Variants in POLL observed in about 807,000 individuals in gnomAD.
POLL encodes the protein DNA polymerase lambda.
POLL carries 44 observed loss-of-function variants against 58.1 expected under a neutral mutation model. That is an observed-to-expected ratio of 0.76 (90% CI 0.60 to 0.97). The LOEUF (loss-of-function observed/expected upper bound fraction) is 0.97. POLL is among the 50% of genes least tolerant of loss of function. POLL has a pLI of 0.00. For synonymous variants in POLL, 290 were observed against 283.2 expected, an observed-to-expected ratio of 1.02 and a Z score of -0.24; for missense variants, 632 against 736.8, an observed-to-expected ratio of 0.86 and a Z score of 1.65.
At chr10:101,581,866 C>T (rs1397235830) in intron 7 of POLL, 1 of 151,696 alleles carries the variant, frequency 6.6e-6, no homozygotes, top group African/African-American at 2.4e-5. Context: ...AGTGCAGTGG[C>T]ACAATCTTGG....
In POLL at chr10:101,585,809, G is replaced by T. The variant is rs1379795982; in HGVS notation, c.410+53C>A. 2.9e-6 allele frequency: 4 copies of T among 1,402,470 alleles called. No individual in the cohort carries two copies. In the East Asian group the frequency reaches 7.0e-5, roughly 25 times the overall value. 86.9% of individuals were successfully genotyped at this position (1,402,470 alleles called of 1,614,324 possible). On this transcript the variant is annotated intron_variant, in intron 3 of 8. Coordinates refer to ENST00000370162, the MANE Select transcript of POLL (RefSeq NM_001174084.2). ...AGTTATTTTTAATAATTCAAGAAAA[G>T]AGCTCAAGATGCTACTAGAAAACAT... is the stretch of plus-strand genomic sequence containing the variant.
Position 101,579,799 on chromosome 10 carries a change from A to G in POLL, c.1382T>C (p.Leu461Ser). Residue 461 changes from leucine to serine, a missense_variant, in exon 9 of 9, where the codon TTG (leucine) becomes TCG (serine). Transcript: ENST00000370162. This position sits in a 1 kb window ranked among gnomAD's most constrained non-coding sequence, Gnocchi z 4.4. The part of the protein sequence containing the change: ...LRQEGFLTDD[L>S]VSQEENGQQQ... Reference sequence around the variant, plus strand: ...CTGACCATTCTCCTCTTGGCTCACCAAGTCATCTGTGAGGAACCCTGGCCC... The same window carrying G: ...CTGACCATTCTCCTCTTGGCTCACCGAGTCATCTGTGAGGAACCCTGGCCC... 6.2e-7 allele frequency: 1 copy of G among 1,613,144 alleles called. No individual in the cohort carries two copies. Among genetic ancestry groups the G allele is most frequent in the Non-Finnish European group, 8.5e-7 (1 of 1,179,634 alleles).
intron 3 of POLL, 104 bp from the exon 4 acceptor site, chr10:101,585,582 T>A: frequency 1.8e-6 from 2 of 1,106,414 alleles, no homozygotes; most frequent in Non-Finnish European, 2.5e-6. Flanking sequence ...TGTGTCCAAT[T>A]AAGAAAACGA....
In POLL at chr10:101,580,616, T is replaced by C; in HGVS notation, c.1195-200A>G. ...GGACAGGAGAGAAGAAAAAGCTCAC[T>C]GTGCAGGAGGCAAGCCTGAGGAGAG... On this transcript the variant is annotated intron_variant, in intron 7 of 8. Transcript: ENST00000370162. The surrounding 1 kb of genome is among the most constrained non-coding windows in gnomAD (Gnocchi z 4.1). 3.5e-6 allele frequency: 2 copies of C among 564,408 alleles called. No individual in the cohort carries two copies. The highest frequency in any genetic ancestry group is 6.3e-6 in the Non-Finnish European group (2 of 318,090). 35.0% of individuals were successfully genotyped at this position (564,408 alleles called of 1,614,324 possible). A position where few individuals can be genotyped will look rare whatever the true frequency, so the allele number is the denominator to read the frequency against.
Position 101,579,256 on chromosome 10 carries a change from G to A in POLL, c.*197C>T. ...GCCTGCTCCTGTCTGGGAGAGGGCT[G>A]GGCAGACACTGGGAGCCGGGCAGAC... is the stretch of plus-strand genomic sequence containing the variant. On this transcript the variant is annotated 3_prime_UTR_variant, in exon 9 of 9. Coordinates refer to ENST00000370162, the MANE Select transcript of POLL (RefSeq NM_001174084.2). The surrounding 1 kb of genome is among the most constrained non-coding windows in gnomAD (Gnocchi z 4.4). 1.6e-6 allele frequency: 1 copy of A among 624,874 alleles called. No individual in the cohort carries two copies. The allele number at this position is 624,874 out of a possible 1,614,324, so 38.7% of individuals were successfully genotyped here.
chr10:101,586,721 C>T lies in POLL; in HGVS notation c.115+525G>A, dbSNP rs978120357. Among the ~76,000 whole-genome samples the T allele has an allele frequency of 4.6e-5, 7 of 152,180 alleles. 1 individual carries two copies. The highest frequency in any genetic ancestry group is 1.3e-4 in the Admixed American group (2 of 15,272). On this transcript the variant is annotated intron_variant, in intron 2 of 8. Transcript: ENST00000370162. ...TGTTGCCCAAGCTGGTCTCGAACTC[C>T]TGAGCACAGGTGATCTGCCTGCCTC...
rs990891316 is a variant in POLL at position 101,580,234 on chromosome 10, G to T, written c.1363+14C>A. ...CCCTCTGTCAACCTGCTCACCCAGA[G>T]ATGGAGCTTATACCTTCCTGCCGAA... On this transcript the variant is annotated intron_variant, in intron 8 of 8. Coordinates refer to ENST00000370162, the MANE Select transcript of POLL (RefSeq NM_001174084.2). The surrounding 1 kb of genome is among the most constrained non-coding windows in gnomAD (Gnocchi z 4.1). 1 of 1,607,846 alleles carries T rather than the reference G, an allele frequency of 6.2e-7. No homozygotes were observed. Among genetic ancestry groups the T allele is most frequent in the Non-Finnish European group, 8.5e-7 (1 of 1,176,308 alleles).
intron 5 of POLL, 134 bp from the exon 6 acceptor site, chr10:101,583,815 G>A (rs2063141067): frequency 4.2e-6 from 3 of 712,992 alleles, no homozygotes; most frequent in East Asian, 2.7e-5. Context: ...CTGTGTGGCT[G>A]TGTAAAGCTT....
In POLL at chr10:101,579,507, A is replaced by C; in HGVS notation, c.1674T>G (p.Asp558Glu). 6.2e-7 allele frequency: 1 copy of C among 1,613,316 alleles called. No homozygotes were observed. The highest frequency in any genetic ancestry group is 1.1e-5 in the South Asian group (1 of 91,040). The change falls in exon 9 of 9, where the codon GAT (aspartate) becomes GAG (glutamate). Residue 558 changes from aspartate to glutamate, a missense_variant. Transcript: ENST00000370162. The surrounding 1 kb of genome is among the most constrained non-coding windows in gnomAD (Gnocchi z 4.4). ...GRVLPTPTEKDVFRLLGLPYR... is the reference protein window; with the variant it reads ...GRVLPTPTEKEVFRLLGLPYR... The stretch of plus-strand genomic sequence containing the variant: ...AGGGGAGGCCTAAGAGCCTGAAGAC[A>C]TCCTTCTCAGTGGGAGTGGGCAGCA...
At position 101,582,750 on chromosome 10, in the gene POLL, G is replaced by A. The variant is rs1168040521; in HGVS notation, c.1194+13C>T. 6.2e-7 allele frequency: 1 copy of A among 1,612,790 alleles called. No individual in the cohort carries two copies. Among genetic ancestry groups the A allele is most frequent in the Admixed American group, 1.7e-5 (1 of 60,000 alleles). On this transcript the variant is annotated intron_variant, in intron 7 of 8. Transcript: ENST00000370162. ...GACCTGGCTGTCCTCACTGCTCTGG[G>A]ACACCTGCTTACTGTCTGCTCAATC...
rs189360353 is a variant in POLL, at chr10:101,579,361, G to A, written c.*92C>T. Reference sequence around the variant, plus strand: ...TGAGGAAGCTGGTGGTTGGAGCGGCGAGGTTCAGCCAGCTGAGGCTGGAGG... The same window carrying A: ...TGAGGAAGCTGGTGGTTGGAGCGGCAAGGTTCAGCCAGCTGAGGCTGGAGG... On this transcript the variant is annotated 3_prime_UTR_variant, in exon 9 of 9. Coordinates refer to ENST00000370162, the MANE Select transcript of POLL (RefSeq NM_001174084.2). The surrounding 1 kb of genome is among the most constrained non-coding windows in gnomAD (Gnocchi z 4.4). The A allele has an allele frequency of 7.9e-5, 114 of 1,437,866 alleles. No homozygotes were observed. Among genetic ancestry groups the A allele is most frequent in the Non-Finnish European group, 9.5e-5 (102 of 1,073,806 alleles). The allele number at this position is 1,437,866 out of a possible 1,614,324, so 89.1% of individuals were successfully genotyped here. A position where few individuals can be genotyped will look rare whatever the true frequency, so the allele number is the denominator to read the frequency against.
chr10:101,584,861 A>C lies in POLL; in HGVS notation c.632T>G (p.Leu211Arg). ...GEETQVSAAD[L>R]EALISGHYPT... ...GTAGTGGCCACTGATGAGGGCTTCCAGATCAGCTGCACTAACCTGGGTTTC... is the reference window on the plus strand; with the variant it reads ...GTAGTGGCCACTGATGAGGGCTTCCCGATCAGCTGCACTAACCTGGGTTTC... Residue 211 changes from leucine (L) to arginine (R), a missense_variant, in exon 5 of 9, where the codon CTG (leucine) becomes CGG (arginine). Physicochemically the swap from Leu to Arg is moderately radical, Grantham distance 102. Coordinates refer to ENST00000370162, the MANE Select transcript of POLL (RefSeq NM_001174084.2). 1 of 1,480,514 alleles carries C rather than the reference A, an allele frequency of 6.8e-7. No homozygotes were observed. The highest frequency in any genetic ancestry group is 9.0e-7 in the Non-Finnish European group (1 of 1,109,958). 91.7% of individuals were successfully genotyped at this position (1,480,514 alleles called of 1,614,324 possible).
Position 101,584,784 on chromosome 10 carries a change from C to A in POLL, c.709G>T (p.Asp237Tyr). Residue 237 changes from aspartate (D) to tyrosine (Y), a missense_variant, in exon 5 of 9, where the codon GAT becomes TAT. Coordinates refer to ENST00000370162, the MANE Select transcript of POLL (RefSeq NM_001174084.2). ...GAGGGCTGTGCACAGACCCACTTAT[C>A]CAGGACAGCAGGGGCTGGGCTAGGC... ...CEPSPAPAVL[D>Y]KWVCAQPSSQ... The A allele has an allele frequency of 6.2e-7, 1 of 1,610,618 alleles. No homozygotes were observed. Among genetic ancestry groups the A allele is most frequent in the South Asian group, 1.1e-5 (1 of 90,546 alleles).
At chr10:101,581,306 A>C (rs2062974204) in intron 7 of POLL, 1 of 152,248 alleles carries the variant, frequency 6.6e-6, no homozygotes, top group African/African-American at 2.4e-5. Context: ...GAGCCCTTAA[A>C]TGGGGGCACA....
intron 6 of POLL, chr10:101,583,092 C>A: frequency 1.5e-6 from 1 of 661,790 alleles, no homozygotes. Flanking sequence ...TCCAGCCCTG[C>A]CACTATCCTA....
rs755977886 is a variant in POLL, at chr10:101,584,679, CT to C, written c.813del (p.Asp272ThrfsTer43). The stretch of plus-strand genomic sequence containing the variant: ...GCATAGCCCAGGGCCCTCCACTTGT[CT>C]CCCTGAACACTGTAGGCTTTGGCCA... ...EVLAKAYSVQ[G>X]DKWRALGYAK... On this transcript the variant is annotated frameshift_variant, in exon 5 of 9. Transcript: ENST00000370162. LOFTEE classifies it high-confidence loss of function. The C allele has an allele frequency of 1.5e-5, 24 of 1,613,510 alleles. No individual in the cohort carries two copies. The highest frequency in any genetic ancestry group is 8.5e-7 in the Non-Finnish European group (1 of 1,179,848).
chr10:101,579,704 CGAT>C lies in POLL; in HGVS notation c.1474_1476del (p.Ile492del), dbSNP rs762516830. On this transcript the variant is annotated inframe_deletion, in exon 9 of 9. Transcript: ENST00000370162. The surrounding 1 kb of genome is among the most constrained non-coding windows in gnomAD (Gnocchi z 4.4). The stretch of plus-strand genomic sequence containing the variant: ...CAGGCAAACTCGCTATAGGGCACCA[CGAT>C]GATGTCCAGGCGCCGGTGCCGCCGC... 3 of 1,613,712 alleles carry C rather than the reference CGAT, an allele frequency of 1.9e-6. No homozygotes were observed. Among genetic ancestry groups the C allele is most frequent in the Non-Finnish European group, 2.5e-6 (3 of 1,179,996 alleles).
chr10:101,587,090 C>G (rs1039774492), intron 2 of POLL, 156 bp downstream of exon 2: 8 of 1,555,784 alleles, frequency 5.1e-6, no homozygotes, highest in Admixed American at 1.7e-5. Context: ...AGACCCAGGA[C>G]CAAGCTTAGC....
In POLL at chr10:101,580,387, A is replaced by G. The variant is rs3730476; in HGVS notation, c.1224T>C (p.Ser408=). The stretch of plus-strand genomic sequence containing the variant: ...AACCACATGCCACACACAGCAGCCC[A>G]GAGTTAAAGGCCTGGGCTGCTTTCT... ...TVQKAAQAFN[S]GLLCVACGSY... is the part of the protein sequence containing the mutation. Residue 408 remains serine (S), a synonymous_variant, in exon 8 of 9, where the codon TCT becomes TCC. Transcript: ENST00000370162. This position sits in a 1 kb window ranked among gnomAD's most constrained non-coding sequence, Gnocchi z 4.1. 0.27 allele frequency: 435,246 copies of G among 1,613,466 alleles called. 61,722 individuals carry two copies. Among genetic ancestry groups the G allele is most frequent in the Non-Finnish European group, 0.3 (351,027 of 1,179,620 alleles).
Sources: gnomAD v4.1 joint callset for allele counts (sites outside exome capture counted in the v4.1 genomes callset) on GRCh38, gnomAD v4.1.1 for gene constraint, Gnocchi (gnomAD v3.1) non-coding constraint, MANE v1.5 for transcripts, NCBI Gene and HGNC (gene_info 2026-07-23, HGNC 2026-07-21) for gene names.